SEMA3G: variants seen among roughly 807,000 people sequenced by gnomAD.
SEMA3G encodes the protein semaphorin 3G.
SEMA3G carries 70 observed loss-of-function variants against 86.2 expected under a neutral mutation model. That is an observed-to-expected ratio of 0.81 (90% CI 0.67 to 0.99). The LOEUF is 0.99. Among genes scored for constraint, SEMA3G ranks in the 50% least tolerant of loss-of-function variants. SEMA3G has a pLI of 0.00. For missense variants in SEMA3G, 1,002 were observed against 1,072.4 expected (o/e 0.93, Z 0.92); for synonymous variants, 416 against 441.4 (o/e 0.94, Z 0.72).
chr3:52,437,402 C>CT (rs1399828785), intron 15 of SEMA3G, 125 bp downstream of exon 15: 3 of 1,143,396 alleles, frequency 2.6e-6, no homozygotes, highest in South Asian at 1.7e-5. Flanking sequence ...CTAATACAAA[C>CT]TTTTTTTAGG....
rs1268272857 is a variant in SEMA3G, at chr3:52,437,934, C to T, written c.1738+37G>A. 5 of 1,577,008 alleles carry T rather than the reference C, an allele frequency of 3.2e-6. No individual in the cohort carries two copies. The East Asian group carries it at 1.1e-4, about 35-fold the overall frequency. Reference sequence around the variant, plus strand: ...GGAGCCGGGCCACAGGGGTGAGTTCCAGCCCAGTCTGGGCCCTCCCACCTG... The same window carrying T: ...GGAGCCGGGCCACAGGGGTGAGTTCTAGCCCAGTCTGGGCCCTCCCACCTG... On this transcript the variant is annotated intron_variant, in intron 14 of 15. Transcript: ENST00000231721.
In SEMA3G at chr3:52,440,734, G is replaced by A. The variant is rs200061212; in HGVS notation, c.998+20C>T. The A allele has an allele frequency of 2.1e-4, 337 of 1,605,368 alleles. 1 individual carries two copies. In the African/African-American group the frequency reaches 3.9e-3, roughly 19 times the overall value. The stretch of plus-strand genomic sequence containing the variant: ...AAAGACAGGGGCCCATCGCAAGGCC[G>A]GGGTGCTGGGTGTGCCCACCTGACG... On this transcript the variant is annotated intron_variant, in intron 9 of 15. Coordinates refer to ENST00000231721, the MANE Select transcript of SEMA3G (RefSeq NM_020163.3).
chr3:52,438,929 A>AG lies in SEMA3G; in HGVS notation c.1499dup (p.Val501CysfsTer23). The AG allele has an allele frequency of 6.2e-7, 1 of 1,613,464 alleles. No homozygotes were observed. On this transcript the variant is annotated frameshift_variant, in exon 13 of 16. Coordinates refer to ENST00000231721, the MANE Select transcript of SEMA3G (RefSeq NM_020163.3). LOFTEE classifies it high-confidence loss of function. The stretch of plus-strand genomic sequence containing the variant: ...TGGCAGCTGTTCTTACCCTTTTGAC[A>AG]GAGATCTCCATTTCGGTGATAGGTG...
Position 52,442,837 on chromosome 3 carries a change from G to A in SEMA3G, c.186C>T (p.Tyr62=). The part of the protein sequence containing the change: ...PQGSLNLQAM[Y]LDEYRDRLFL... ...AGAGGCGGTCTCGGTACTCATCTAG[G>A]TACATGGCCTGGAGGTTCAGGGAGC... The change falls in exon 2 of 16, where the codon TAC becomes TAT. Residue 62 remains tyrosine (Y), a synonymous_variant. Transcript: ENST00000231721. The surrounding 1 kb of genome is among the most constrained non-coding windows in gnomAD (Gnocchi z 6.1). The A allele has an allele frequency of 2.5e-6, 4 of 1,612,730 alleles. No homozygotes were observed. The highest frequency in any genetic ancestry group is 3.4e-6 in the Non-Finnish European group (4 of 1,179,460).
rs766543275 is a variant in SEMA3G at position 52,439,749 on chromosome 3, G to A, written c.1398C>T (p.Val466=). The change falls in exon 12 of 16, where the codon GTC becomes GTT. Residue 466 remains valine (V), a synonymous_variant. Coordinates refer to ENST00000231721, the MANE Select transcript of SEMA3G (RefSeq NM_020163.3). Reference sequence around the variant, plus strand: ...CTGAGCCCCCTGCCTGGAGAGCGATGACTTTGAGCACAGACCCTGAGTCTG... The same window carrying A: ...CTGAGCCCCCTGCCTGGAGAGCGATAACTTTGAGCACAGACCCTGAGTCTG... The part of the protein sequence containing the change: ...LGTDSGSVLK[V]IALQAGGSAE... The A allele has an allele frequency of 3.5e-5, 56 of 1,613,884 alleles. No homozygotes were observed. Among genetic ancestry groups the A allele is most frequent in the Non-Finnish European group, 4.1e-5 (48 of 1,180,006 alleles).
At chr3:52,436,216 C>T (rs1431743191) in intron 15 of SEMA3G, 143 bp from the exon 16 acceptor site, 17 of 1,421,132 alleles carry the variant, frequency 1.2e-5, no homozygotes, top group Non-Finnish European at 1.6e-5. Context: ...AGGGGACCAG[C>T]AGCGTGGCAG....
chr3:52,439,610 G>A, intron 12 of SEMA3G, 70 bp downstream of exon 12: 1 of 1,309,916 alleles, frequency 7.6e-7, no homozygotes, highest in Non-Finnish European at 1.1e-6. Flanking sequence ...GCTTGCTCCT[G>A]CATCCCTGTA....
In SEMA3G at chr3:52,435,788, C is replaced by T. The variant is rs550878485; in HGVS notation, c.2164G>A (p.Val722Met). 3 of 1,614,150 alleles carry T rather than the reference C, an allele frequency of 1.9e-6. No individual in the cohort carries two copies. Among genetic ancestry groups the T allele is most frequent in the Admixed American group, 3.3e-5 (2 of 60,038 alleles). ...QLIGFANLPR[V>M]DEYCERVWCR... ...CACACGCGCTCACAGTACTCATCCA[C>T]CCGGGGCAGGTTGGCGAAGCCAATG... Residue 722 changes from valine to methionine, a missense_variant, in exon 16 of 16, where the codon GTG (valine) becomes ATG (methionine). Physicochemically the swap from Val to Met is conservative, Grantham distance 21 (BLOSUM62 1). Transcript: ENST00000231721.
At chr3:52,439,120 G>C (rs959855333) in intron 12 of SEMA3G, among the ~76,000 whole-genome samples, 159 bp from the exon 13 acceptor site, 1 of 152,160 alleles carries the variant, frequency 6.6e-6, no homozygotes, top group Non-Finnish European at 1.5e-5. Flanking sequence ...TTTCCCAGAC[G>C]ATGGGTTACA....
chr3:52,443,823 G>C (rs1706207149), intron 1 of SEMA3G, among the ~76,000 whole-genome samples: 1 of 152,188 alleles, frequency 6.6e-6, no homozygotes, highest in African/African-American at 2.4e-5. Context: ...GCCTCTCCAG[G>C]GACGAGCGCC....
rs34900551 is a variant in SEMA3G at position 52,442,230 on chromosome 3, G to A, written c.414C>T (p.Ala138=). 57,789 of 1,613,848 alleles carry A rather than the reference G, an allele frequency of 0.036. 1,261 individuals carry two copies. Among genetic ancestry groups the A allele is most frequent in the Non-Finnish European group, 0.041 (48,947 of 1,179,840 alleles). ...RTHLLACGTG[A]FQPTCALITV... ...TGATGAGGGCACAGGTGGGCTGGAA[G>A]GCCCCAGTGCCACAGGCTAGCAGGT... The change falls in exon 4 of 16, where the codon GCC becomes GCT. Residue 138 remains alanine (A), a synonymous_variant. Coordinates refer to ENST00000231721, the MANE Select transcript of SEMA3G (RefSeq NM_020163.3). This position sits in a 1 kb window ranked among gnomAD's most constrained non-coding sequence, Gnocchi z 6.1.
chr3:52,437,737 C>T, intron 14 of SEMA3G, 71 bp from the exon 15 acceptor site: 1 of 1,525,708 alleles, frequency 6.6e-7, no homozygotes, highest in African/African-American at 1.4e-5. Context: ...CACCTGACAC[C>T]ACAGCTCAGG....
intron 14 of SEMA3G, 121 bp downstream of exon 14, chr3:52,437,850 G>T: frequency 1.8e-6 from 2 of 1,127,298 alleles, no homozygotes; most frequent in East Asian, 5.1e-5. Context: ...TACACAGAGA[G>T]GGAAACTGAG....
intron 12 of SEMA3G, 92 bp downstream of exon 12, chr3:52,439,588 G>T (rs1428078117): frequency 2.0e-6 from 2 of 1,011,944 alleles, no homozygotes; most frequent in East Asian, 2.5e-5. Context: ...AGACAGGCTG[G>T]CTCCCTACTG....
intron 13 of SEMA3G, 174 bp downstream of exon 13, chr3:52,438,746 C>G (rs749715685): frequency 1.0e-6 from 1 of 985,362 alleles, no homozygotes; most frequent in African/African-American, 1.7e-5. Flanking sequence ...CCCACTTACT[C>G]GGTGCCTCCA....
rs894458645 is a variant in SEMA3G, at chr3:52,441,749, C to G, written c.551-59G>C. ...GGAGGCCCAGGCCCAGCAGCCGGGT[C>G]CCTCCCTTCCCAGTGACATAGGCCA... On this transcript the variant is annotated intron_variant, in intron 5 of 15. Coordinates refer to ENST00000231721, the MANE Select transcript of SEMA3G (RefSeq NM_020163.3). The G allele has an allele frequency of 1.9e-6, 3 of 1,586,254 alleles. No individual in the cohort carries two copies. The African/African-American group carries it at 4.0e-5, about 21-fold the overall frequency.
rs770066794 is a variant in SEMA3G, at chr3:52,437,478, G to A, written c.1878+49C>T. The A allele has an allele frequency of 3.2e-6, 5 of 1,562,206 alleles. No homozygotes were observed. The Admixed American group carries it at 5.3e-5, about 17-fold the overall frequency. ...TCAGGTCTTGGGGTTCAGGATGGGA[G>A]GTGACCTCAGGACACACAGAGGCTA... On this transcript the variant is annotated intron_variant, in intron 15 of 15. Coordinates refer to ENST00000231721, the MANE Select transcript of SEMA3G (RefSeq NM_020163.3).
At position 52,439,869 on chromosome 3, in the gene SEMA3G, G is replaced by A. The variant is rs763426970; in HGVS notation, c.1373C>T (p.Thr458Ile). Reference protein sequence around the residue: ...DGTYDVIFLGTDSGSVLKVIA... With the variant: ...DGTYDVIFLGIDSGSVLKVIA... ...CCACCCTGGCTCAGCTGTCCTACCA[G>A]TCCCCAGGAAAATGACATCGTAGGT... The change falls in exon 11 of 16, where the codon ACT becomes ATT. Residue 458 changes from threonine (T) to isoleucine (I), a missense_variant and splice_region_variant. Thr to Ile is a moderately conservative substitution (Grantham distance 89). Transcript: ENST00000231721. 1.9e-6 allele frequency: 3 copies of A among 1,612,838 alleles called. No homozygotes were observed. Among genetic ancestry groups the A allele is most frequent in the Non-Finnish European group, 2.5e-6 (3 of 1,179,256 alleles).
Position 52,441,924 on chromosome 3 carries a change from A to AGAGG in SEMA3G, c.460-19_460-16dup, listed in dbSNP as rs1559611790. ...TGGAGCACATGCTAGTGGGAGGGAGAGAGGGAGGGAGGGGCGTCACCTGGG... is the reference window on the plus strand; with the variant it reads ...TGGAGCACATGCTAGTGGGAGGGAGAGAGGGAGGGAGGGAGGGGCGTCACCTGGG... On this transcript the variant is annotated splice_polypyrimidine_tract_variant and intron_variant, in intron 4 of 15. Transcript: ENST00000231721. 6.5e-7 allele frequency: 1 copy of AGAGG among 1,540,366 alleles called. No individual in the cohort carries two copies. Among genetic ancestry groups the AGAGG allele is most frequent in the Non-Finnish European group, 8.8e-7 (1 of 1,135,526 alleles).
Sources: gnomAD v4.1 joint callset for allele counts (sites outside exome capture counted in the v4.1 genomes callset) on GRCh38, gnomAD v4.1.1 for gene constraint, Gnocchi (gnomAD v3.1) non-coding constraint, MANE v1.5 for transcripts, NCBI Gene and HGNC (gene_info 2026-07-23, HGNC 2026-07-21) for gene names.